DLG2: variants seen among roughly 807,000 people sequenced by gnomAD.
DLG2 encodes the protein discs large MAGUK scaffold protein 2, also known as disks large homolog 2.
A neutral mutation model predicts 132.5 loss-of-function variants in DLG2; 45 were observed. That is an observed-to-expected ratio of 0.34 (90% CI 0.27 to 0.44). DLG2 has a LOEUF of 0.44. DLG2 is among the 20% of genes least tolerant of loss of function. DLG2 has a pLI of 1.00. For missense variants in DLG2, 1,045 were observed against 1,196.9 expected (o/e 0.87, Z 1.87); for synonymous variants, 424 against 419.6 (o/e 1.01, Z -0.13).
intron 9 of DLG2, among the ~76,000 whole-genome samples, chr11:84,147,756 A>G (rs2095138970): frequency 6.6e-6 from 1 of 152,170 alleles, no homozygotes; most frequent in Non-Finnish European, 1.5e-5. Flanking sequence ...ATATGTGCAC[A>G]CATATACACA....
chr11:84,085,555 AAT>A (rs2096965031), intron 10 of DLG2, among the ~76,000 whole-genome samples: 1 of 152,198 alleles, frequency 6.6e-6, no homozygotes, highest in South Asian at 2.1e-4. Context: ...AGATAATTAG[AAT>A]ATGATTTTAA....
At chr11:85,491,696 G>A (rs756512124) in intron 3 of DLG2, among the ~76,000 whole-genome samples, 2 of 151,870 alleles carry the variant, frequency 1.3e-5, no homozygotes, top group African/African-American at 2.4e-5. Flanking sequence ...TAACCAAGGA[G>A]GTGAAAGACC....
intron 7 of DLG2, among the ~76,000 whole-genome samples, chr11:84,421,869 C>G (rs547876507): frequency 6.6e-6 from 1 of 152,162 alleles, no homozygotes; most frequent in African/African-American, 2.4e-5. Flanking sequence ...AATCCCTCAC[C>G]GCTTCTGCCT....
At chr11:84,073,733 T>C (rs568279792) in intron 10 of DLG2, among the ~76,000 whole-genome samples, 3 of 152,308 alleles carry the variant, frequency 2.0e-5, no homozygotes, top group South Asian at 2.1e-4. Flanking sequence ...TTAATTTCCA[T>C]AGAAACAGGA....
At chr11:84,506,753 G>A (rs182034488) in intron 7 of DLG2, among the ~76,000 whole-genome samples, 2 of 152,220 alleles carry the variant, frequency 1.3e-5, no homozygotes, top group East Asian at 3.9e-4. Flanking sequence ...GTATTATAGA[G>A]CGAATAATAT....
At chr11:85,004,449 T>C (rs1353971423) in intron 6 of DLG2, among the ~76,000 whole-genome samples, 2 of 152,240 alleles carry the variant, frequency 1.3e-5, no homozygotes, top group Non-Finnish European at 2.9e-5. Context: ...GTGGTTTTGA[T>C]TTGCATTTCT....
rs75593884 is a variant in DLG2 at position 83,501,562 on chromosome 11, C to A, written c.2194-17334G>T. ...CATAGACCAGTTGATCGCTGAGGAT[C>A]TCTGAGGTTTCTTTCATCTCTACCA... On this transcript the variant is annotated intron_variant, in intron 21 of 27. Coordinates refer to ENST00000376104, the MANE Select transcript of DLG2 (RefSeq NM_001142699.3). 5.0e-3 allele frequency among the ~76,000 whole-genome samples: 755 copies of A among 152,306 alleles called. 11 individuals carry two copies. Among genetic ancestry groups the A allele is most frequent in the African/African-American group, 0.017 (711 of 41,558 alleles).
chr11:85,467,461 CTT>C (rs1247285119), intron 3 of DLG2, among the ~76,000 whole-genome samples: 1 of 152,054 alleles, frequency 6.6e-6, no homozygotes, highest in African/African-American at 2.4e-5. Flanking sequence ...ATAGATATCT[CTT>C]ATTATTTTGA....
At chr11:84,763,583 C>T (rs2067962046) in intron 6 of DLG2, among the ~76,000 whole-genome samples, 1 of 152,078 alleles carries the variant, frequency 6.6e-6, no homozygotes, top group Admixed American at 6.6e-5. Flanking sequence ...GACACAGTTT[C>T]TCATTTTTTC....
intron 6 of DLG2, among the ~76,000 whole-genome samples, chr11:84,610,543 A>C (rs2099593606): frequency 6.6e-6 from 1 of 152,070 alleles, no homozygotes; most frequent in African/African-American, 2.4e-5. Flanking sequence ...AAGACACAAA[A>C]TCTACTCCAC....
At chr11:83,642,361 A>G (rs1426842833) in intron 18 of DLG2, among the ~76,000 whole-genome samples, 6 of 152,172 alleles carry the variant, frequency 3.9e-5, no homozygotes, top group Non-Finnish European at 7.4e-5. Flanking sequence ...GTCTTTCTCC[A>G]TTCCTCCTCA....
At chr11:84,825,507 G>T (rs2078224590) in intron 6 of DLG2, among the ~76,000 whole-genome samples, 1 of 151,894 alleles carries the variant, frequency 6.6e-6, no homozygotes, top group South Asian at 2.1e-4. Flanking sequence ...ATTAAGTTCA[G>T]GAATGCCGTA....
intron 6 of DLG2, among the ~76,000 whole-genome samples, chr11:84,722,658 G>A (rs904341154): frequency 6.6e-6 from 1 of 152,138 alleles, no homozygotes; most frequent in African/African-American, 2.4e-5. Flanking sequence ...CCTTGTGAGA[G>A]GAATGCAAGT....
At chr11:83,792,490 AC>A (rs1355387451) in intron 17 of DLG2, among the ~76,000 whole-genome samples, 2 of 152,140 alleles carry the variant, frequency 1.3e-5, no homozygotes, top group African/African-American at 4.8e-5. Context: ...ATTATTCTCT[AC>A]AAAGGTAATC....
At chr11:84,274,660 T>G (rs1484402363) in intron 7 of DLG2, among the ~76,000 whole-genome samples, 1 of 152,226 alleles carries the variant, frequency 6.6e-6, no homozygotes, top group African/African-American at 2.4e-5. Context: ...CTTCATTTCT[T>G]TTCAATTTTG....
intron 2 of DLG2, among the ~76,000 whole-genome samples, chr11:85,613,104 A>G (rs1319734538): frequency 6.6e-6 from 1 of 152,142 alleles, no homozygotes. Context: ...TCAAACTCTT[A>G]CCAACCTCTA....
intron 11 of DLG2, among the ~76,000 whole-genome samples, chr11:84,016,772 G>A (rs1003169918): frequency 1.3e-5 from 2 of 151,888 alleles, no homozygotes; most frequent in African/African-American, 4.8e-5. Context: ...TTGTTGAAGA[G>A]GAAACAAAGG....
At chr11:83,945,927 TC>T (rs1376676305) in intron 14 of DLG2, among the ~76,000 whole-genome samples, 3 of 150,354 alleles carry the variant, frequency 2.0e-5, no homozygotes, top group African/African-American at 4.9e-5. Context: ...TTTCCTTCCT[TC>T]CTTCCGTCCT....
intron 11 of DLG2, among the ~76,000 whole-genome samples, chr11:84,035,902 G>A (rs924627987): frequency 2.0e-5 from 3 of 152,064 alleles, no homozygotes; most frequent in Non-Finnish European, 2.9e-5. Flanking sequence ...AGAGAAATCC[G>A]GGATGATTCT....
Sources: allele counts gnomAD v4.1 joint callset (sites outside exome capture counted in the v4.1 genomes callset), GRCh38; gene constraint gnomAD v4.1.1; transcripts MANE v1.5; gene names NCBI Gene and HGNC (gene_info 2026-07-23, HGNC 2026-07-21).